Variants in HDAC4 observed in about 807,000 individuals in gnomAD.
The protein encoded by HDAC4 is histone deacetylase 4.
A neutral mutation model predicts 135.1 loss-of-function variants in HDAC4; 16 were observed. The ratio of observed to expected loss-of-function variants is 0.12; its 90% CI spans 0.08 to 0.18. The LOEUF (loss-of-function observed/expected upper bound fraction) is 0.18, where lower values mean the gene tolerates loss of function less well. Ranked by LOEUF, HDAC4 falls within the 10% of genes least tolerant of loss-of-function variation. The pLI, the probability that HDAC4 is intolerant of heterozygous loss-of-function variation, is 1.00. For missense variants in HDAC4, 1,143 were observed against 1,511.8 expected, an observed-to-expected ratio of 0.76 and a Z score of 4.05; for synonymous variants, 685 against 653.4, an observed-to-expected ratio of 1.05 and a Z score of -0.74.
chr2:239,309,641 G>C lies in HDAC4; in HGVS notation c.22+43037C>G, dbSNP rs1321426232. Among the ~76,000 whole-genome samples, 1 of 152,258 alleles carries C rather than the reference G, an allele frequency of 6.6e-6. No individual in the cohort carries two copies. Among genetic ancestry groups the C allele is most frequent in the Non-Finnish European group, 1.5e-5 (1 of 68,044 alleles). On this transcript the variant is annotated intron_variant, in intron 2 of 26. Transcript: ENST00000543185. The surrounding 1 kb of genome is among the most constrained non-coding windows in gnomAD (Gnocchi z 4.2). ...CCAGTGAGGGCCAGCGAGGGGCCCA[G>C]GGAGAAGATGGAGGTCAAGTCATAG... is the stretch of plus-strand genomic sequence containing the variant.
At chr2:239,211,184 G>C (rs1385705760) in intron 3 of HDAC4, among the ~76,000 whole-genome samples, 1 of 152,142 alleles carries the variant, frequency 6.6e-6, no homozygotes, top group African/African-American at 2.4e-5. Flanking sequence ...ATTTTAAATG[G>C]ATCTATTCAA....
At chr2:239,371,020 C>G (rs909055527) in intron 1 of HDAC4, among the ~76,000 whole-genome samples, 5 of 152,210 alleles carry the variant, frequency 3.3e-5, no homozygotes, top group Admixed American at 6.5e-5. Flanking sequence ...CTTCCCACAG[C>G]CTGTCGCCCC....
At chr2:239,259,889 G>C (rs2125076548) in intron 2 of HDAC4, among the ~76,000 whole-genome samples, 1 of 152,328 alleles carries the variant, frequency 6.6e-6, no homozygotes, top group South Asian at 2.1e-4. Flanking sequence ...GAGAGGAAGA[G>C]AGAAGTGACA....
intron 1 of HDAC4, among the ~76,000 whole-genome samples, chr2:239,368,172 A>G (rs1694351133): frequency 1.3e-5 from 2 of 152,160 alleles, no homozygotes. Context: ...TTTGGAGTCC[A>G]TGCTAATTTG....
At chr2:239,293,424 G>C (rs1435746682) in intron 2 of HDAC4, among the ~76,000 whole-genome samples, 2 of 152,144 alleles carry the variant, frequency 1.3e-5, no homozygotes, top group African/African-American at 4.8e-5. Flanking sequence ...ATTTGAGAAG[G>C]GCCCTACCCT....
At chr2:239,151,531 T>TTGAA (rs1470381412) in intron 7 of HDAC4, among the ~76,000 whole-genome samples, 1 of 152,030 alleles carries the variant, frequency 6.6e-6, no homozygotes, top group Admixed American at 6.5e-5. Context: ...AGGGCAGAGC[T>TTGAA]AGATGAACAC....
rs2033748655 is a variant in HDAC4 at position 239,068,032 on chromosome 2, T to G, written c.2869+457A>C. 6.6e-6 allele frequency among the ~76,000 whole-genome samples: 1 copy of G among 152,180 alleles called. No individual in the cohort carries two copies. Among genetic ancestry groups the G allele is most frequent in the Non-Finnish European group, 1.5e-5 (1 of 68,014 alleles). ...CCTCCCATCCTGACAGCATGGCCCC[T>G]AACGCTGATCCTGAGAGGACACACA... On this transcript the variant is annotated intron_variant, in intron 23 of 26. Coordinates refer to ENST00000543185, the MANE Select transcript of HDAC4 (RefSeq NM_001378414.1). The surrounding 1 kb of genome is among the most constrained non-coding windows in gnomAD (Gnocchi z 4.4).
chr2:239,227,933 A>T (rs1444810213), intron 3 of HDAC4, among the ~76,000 whole-genome samples: 1 of 152,110 alleles, frequency 6.6e-6, no homozygotes, highest in Non-Finnish European at 1.5e-5. Context: ...TCTTCTCAAG[A>T]CACATTTTCA....
chr2:239,137,612 C>T (rs773363132), intron 9 of HDAC4, among the ~76,000 whole-genome samples: 26 of 152,200 alleles, frequency 1.7e-4, no homozygotes, highest in Middle Eastern at 3.2e-3. Context: ...GAGAGCCAGG[C>T]TGGGAGGCCC....
At chr2:239,227,642 G>C (rs980610929) in intron 3 of HDAC4, among the ~76,000 whole-genome samples, 1 of 152,190 alleles carries the variant, frequency 6.6e-6, no homozygotes, top group African/African-American at 2.4e-5. Flanking sequence ...AAAGACAAGC[G>C]GAAGGAGCGG....
intron 18 of HDAC4, 118 bp from the exon 19 acceptor site, chr2:239,087,732 T>G: frequency 1.1e-6 from 1 of 927,634 alleles, no homozygotes; most frequent in South Asian, 1.4e-5. Context: ...GACAGTTTCT[T>G]GCTGCACCCT....
In HDAC4 at chr2:239,331,260, C is replaced by T. The variant is rs555470436; in HGVS notation, c.22+21418G>A. On this transcript the variant is annotated intron_variant, in intron 2 of 26. Coordinates refer to ENST00000543185, the MANE Select transcript of HDAC4 (RefSeq NM_001378414.1). The surrounding 1 kb of genome is among the most constrained non-coding windows in gnomAD (Gnocchi z 4.5). ...CTGGAATGAATTCTTCCTTCATATT[C>T]GAGGGGAAAACGGTAAAAGCCACGA... Among the ~76,000 whole-genome samples the T allele has an allele frequency of 1.6e-4, 24 of 151,246 alleles. No individual in the cohort carries two copies. The highest frequency in any genetic ancestry group is 1.5e-4 in the Non-Finnish European group (10 of 67,936).
chr2:239,296,410 T>G (rs1006640039), intron 2 of HDAC4, among the ~76,000 whole-genome samples: 7 of 152,108 alleles, frequency 4.6e-5, no homozygotes, highest in East Asian at 1.9e-4. Context: ...GGTTTTCTGG[T>G]TTTTCCCCAT....
At chr2:239,300,163 G>C (rs2052166885) in intron 2 of HDAC4, among the ~76,000 whole-genome samples, 1 of 152,126 alleles carries the variant, frequency 6.6e-6, no homozygotes, top group Non-Finnish European at 1.5e-5. Flanking sequence ...CCCAGGCTGT[G>C]CGCTGTGAAC....
chr2:239,105,932 G>T (rs1264921740), intron 15 of HDAC4, among the ~76,000 whole-genome samples: 1 of 152,234 alleles, frequency 6.6e-6, no homozygotes, highest in African/African-American at 2.4e-5. Flanking sequence ...TGAACCTGGA[G>T]GGGCACCCGC....
intron 22 of HDAC4, among the ~76,000 whole-genome samples, chr2:239,073,910 C>T (rs2034458901): frequency 1.3e-5 from 2 of 152,096 alleles, no homozygotes; most frequent in African/African-American, 2.4e-5. Context: ...CCTTTCTGAC[C>T]GACATTCCGA....
intron 2 of HDAC4, among the ~76,000 whole-genome samples, chr2:239,278,193 A>AT (rs1226149531): frequency 6.6e-6 from 1 of 151,890 alleles, no homozygotes; most frequent in Non-Finnish European, 1.5e-5. Context: ...AAAAGAAAAA[A>AT]AAAAAAACAG....
At position 239,192,511 on chromosome 2, in the gene HDAC4, C is replaced by T. The variant is rs139577875; in HGVS notation, c.95-2434G>A. ...GGGAGGAGAGCTAAGTCAGCAAACT[C>T]GCAAACTCGGAGAAAAGAGAACGGG... is the stretch of plus-strand genomic sequence containing the variant. On this transcript the variant is annotated intron_variant, in intron 3 of 26. Transcript: ENST00000543185. Among the ~76,000 whole-genome samples the T allele has an allele frequency of 3.2e-3, 492 of 152,266 alleles. 4 individuals carry two copies. The highest frequency in any genetic ancestry group is 0.012 in the African/African-American group (479 of 41,538).
At chr2:239,389,881 C>T (rs567144479) in intron 1 of HDAC4, among the ~76,000 whole-genome samples, 2 of 152,336 alleles carry the variant, frequency 1.3e-5, no homozygotes, top group East Asian at 1.9e-4. Flanking sequence ...CTCTGCACCC[C>T]GGTCACAGTG....
Sources: allele counts gnomAD v4.1 joint callset (sites outside exome capture counted in the v4.1 genomes callset), GRCh38; gene constraint gnomAD v4.1.1; non-coding constraint Gnocchi (gnomAD v3.1); transcripts MANE v1.5; gene names NCBI Gene and HGNC (gene_info 2026-07-23, HGNC 2026-07-21).